The following BOD1L1 variants were observed in gnomAD, a reference collection of about 807,000 sequenced individuals.
BOD1L1 encodes the protein biorientation of chromosomes in cell division 1 like 1, also known as biorientation of chromosomes in cell division protein 1-like 1.
A neutral mutation model predicts 240.7 loss-of-function variants in BOD1L1; 86 were observed. That is an observed-to-expected ratio of 0.36 (90% CI 0.30 to 0.43). The LOEUF is 0.43. BOD1L1 is among the 20% of genes least tolerant of loss of function. The pLI is 1.00. For synonymous variants in BOD1L1, 1,268 were observed against 1,272.3 expected, an observed-to-expected ratio of 1.00 and a Z score of 0.07; for missense variants, 3,554 against 3,643.5, an observed-to-expected ratio of 0.98 and a Z score of 0.63.
chr4:13,595,127 A>T (rs574829470), intron 12 of BOD1L1, among the ~76,000 whole-genome samples: 1 of 152,266 alleles, frequency 6.6e-6, no homozygotes, highest in African/African-American at 2.4e-5. Context: ...AAATCTAGCC[A>T]TTTTTCATGA....
chr4:13,598,750 A>T (rs1371289307), intron 10 of BOD1L1, among the ~76,000 whole-genome samples, 196 bp downstream of exon 10: 4 of 152,246 alleles, frequency 2.6e-5, no homozygotes, highest in Non-Finnish European at 2.9e-5. Flanking sequence ...ACTTTTAAAC[A>T]CAAGTAGCTT....
chr4:13,604,765 TGTG>T lies in BOD1L1; in HGVS notation c.2132_2134del (p.Pro711del). On this transcript the variant is annotated inframe_deletion, in exon 10 of 26. Transcript: ENST00000040738. Reference sequence around the variant, plus strand: ...CTCTTTCTTAAGTAGGCTTTTCAAATGTGGTGTTTCAGAATCATCTTTCTTTAG... The same window carrying T: ...CTCTTTCTTAAGTAGGCTTTTCAAATGTGTTTCAGAATCATCTTTCTTTAG... 2 of 1,613,444 alleles carry T rather than the reference TGTG, an allele frequency of 1.2e-6. No homozygotes were observed. Among genetic ancestry groups the T allele is most frequent in the South Asian group, 2.2e-5 (2 of 90,858 alleles).
At chr4:13,623,196 C>G (rs1173182278) in intron 1 of BOD1L1, among the ~76,000 whole-genome samples, 1 of 151,582 alleles carries the variant, frequency 6.6e-6, no homozygotes, top group Admixed American at 6.6e-5. Flanking sequence ...TTTTTTTCTA[C>G]TAGGATGTAA....
chr4:13,582,145 T>G, intron 19 of BOD1L1, 92 bp downstream of exon 19: 1 of 1,074,594 alleles, frequency 9.3e-7, no homozygotes, highest in South Asian at 1.5e-5. Flanking sequence ...TCAAAGTACT[T>G]AAGAAAAACT....
At chr4:13,611,380 G>A (rs1373542895) in intron 5 of BOD1L1, among the ~76,000 whole-genome samples, 1 of 152,202 alleles carries the variant, frequency 6.6e-6, no homozygotes, top group Non-Finnish European at 1.5e-5. Context: ...GTTTTCTGGA[G>A]CAAAGAATGA....
At position 13,603,740 on chromosome 4, in the gene BOD1L1, T is replaced by C. The variant is rs1393016590; in HGVS notation, c.3160A>G (p.Lys1054Glu). The C allele has an allele frequency of 1.2e-6, 2 of 1,613,958 alleles. No individual in the cohort carries two copies. Among genetic ancestry groups the C allele is most frequent in the South Asian group, 1.1e-5 (1 of 91,072 alleles). Residue 1054 changes from lysine (K) to glutamate (E), a missense_variant, in exon 10 of 26, where the codon AAG becomes GAG. Coordinates refer to ENST00000040738, the MANE Select transcript of BOD1L1 (RefSeq NM_148894.3). ...ATGAGTGAACTATTACCTCTGGCCT[T>C]TTCATGACTACTGTCAACTTCTTTA... ...DGKEVDSSHE[K>E]ARGNSSLMEK...
At chr4:13,584,412 G>C (rs959172534) in intron 17 of BOD1L1, among the ~76,000 whole-genome samples, 4 of 150,212 alleles carry the variant, frequency 2.7e-5, no homozygotes, top group Admixed American at 1.3e-4. Flanking sequence ...GCATGTGTGC[G>C]TGTGTGGCGG....
chr4:13,620,100 GGTTATACA>G, intron 1 of BOD1L1, 33 bp from the exon 2 acceptor site: 1 of 1,564,758 alleles, frequency 6.4e-7, no homozygotes, highest in Non-Finnish European at 8.7e-7. Context: ...AAGTCTTCAA[GGTTATACA>G]GTATCAATAT....
intron 25 of BOD1L1, among the ~76,000 whole-genome samples, chr4:13,571,274 A>G (rs902445200): frequency 1.3e-5 from 2 of 152,248 alleles, no homozygotes; most frequent in African/African-American, 4.8e-5. Context: ...ATGTCCTGTC[A>G]ATGAATCAAA....
intron 13 of BOD1L1, among the ~76,000 whole-genome samples, chr4:13,591,556 G>T (rs1714222291): frequency 6.6e-6 from 1 of 152,192 alleles, no homozygotes; most frequent in Non-Finnish European, 1.5e-5. Context: ...GCAGTTACAG[G>T]TTAGTATCTT....
At position 13,601,791 on chromosome 4, in the gene BOD1L1, G is replaced by A. The variant is rs773704401; in HGVS notation, c.5109C>T (p.Ser1703=). The A allele has an allele frequency of 6.2e-7, 1 of 1,613,838 alleles. No individual in the cohort carries two copies. The highest frequency in any genetic ancestry group is 8.5e-7 in the Non-Finnish European group (1 of 1,179,872). The part of the protein sequence containing the change: ...AGTEIRAGSI[S]SEEVDGSQGN... Reference sequence around the variant, plus strand: ...CCTGGGAGCCATCCACCTCTTCACTGCTTATAGATCCTGCTCTTATCTCTG... The same window carrying A: ...CCTGGGAGCCATCCACCTCTTCACTACTTATAGATCCTGCTCTTATCTCTG... The change falls in exon 10 of 26, where the codon AGC becomes AGT. Residue 1703 remains serine (S), a synonymous_variant. Transcript: ENST00000040738.
At chr4:13,596,522 C>T (rs991052251) in intron 11 of BOD1L1, among the ~76,000 whole-genome samples, 2 of 151,738 alleles carry the variant, frequency 1.3e-5, no homozygotes, top group African/African-American at 2.4e-5. Context: ...TTGGATGGTG[C>T]CTTCAGATCA....
chr4:13,617,686 C>G (rs1474443339), intron 2 of BOD1L1, among the ~76,000 whole-genome samples: 2 of 152,164 alleles, frequency 1.3e-5, no homozygotes, highest in Admixed American at 6.5e-5. Flanking sequence ...ACTGAGTCAG[C>G]AGATCAGCTA....
chr4:13,582,335 C>A, intron 18 of BOD1L1, 25 bp from the exon 19 acceptor site: 1 of 1,592,490 alleles, frequency 6.3e-7, no homozygotes, highest in South Asian at 1.1e-5. Context: ...GAACTTTGTT[C>A]AATGCTAGTG....
intron 1 of BOD1L1, among the ~76,000 whole-genome samples, chr4:13,621,625 T>C (rs1455927649): frequency 1.3e-5 from 2 of 152,174 alleles, no homozygotes; most frequent in Non-Finnish European, 1.5e-5. Flanking sequence ...TCCTCCTCTA[T>C]CTCTCTTACA....
intron 7 of BOD1L1, 135 bp from the exon 8 acceptor site, chr4:13,608,803 G>C: frequency 1.5e-6 from 1 of 658,306 alleles, no homozygotes; most frequent in Non-Finnish European, 2.3e-6. Flanking sequence ...TGCTGGAATA[G>C]ATATAATATT....
rs913435537 is a variant in BOD1L1, at chr4:13,627,567, C to A, written c.21G>T (p.Pro7=). 3 of 1,139,266 alleles carry A rather than the reference C, an allele frequency of 2.6e-6. No homozygotes were observed. The highest frequency in any genetic ancestry group is 3.2e-6 in the Non-Finnish European group (3 of 928,414). The allele number at this position is 1,139,266 out of a possible 1,614,324, so 70.6% of individuals were successfully genotyped here. Residue 7 remains proline (P), a synonymous_variant, in exon 1 of 26, where the codon CCG becomes CCT. Transcript: ENST00000040738. MATNPQ[P]QPPPPAPPPP... ...GCGGCGGCGCCGGAGGAGGCGGCTG[C>A]GGCTGTGGGTTGGTGGCCATGGTGG...
rs574374116 is a variant in BOD1L1 at position 13,609,814 on chromosome 4, C to G, written c.1492-408G>C. 1.5e-4 allele frequency among the ~76,000 whole-genome samples: 23 copies of G among 152,164 alleles called. No homozygotes were observed. In the East Asian group the frequency reaches 4.3e-3, roughly 28 times the overall value. On this transcript the variant is annotated intron_variant, in intron 6 of 25. Coordinates refer to ENST00000040738, the MANE Select transcript of BOD1L1 (RefSeq NM_148894.3). ...ACTTTTCAACTGTTCTTATAGAAAA[C>G]AGTTGAAATAAAAATTCAAGTGATA...
chr4:13,598,569 T>C (rs1714805204), intron 10 of BOD1L1, among the ~76,000 whole-genome samples: 1 of 152,150 alleles, frequency 6.6e-6, no homozygotes, highest in Non-Finnish European at 1.5e-5. Flanking sequence ...AAAAAATGTA[T>C]TGCTTTCATT....
Sources: gnomAD v4.1 joint callset for allele counts (sites outside exome capture counted in the v4.1 genomes callset) on GRCh38, gnomAD v4.1.1 for gene constraint, MANE v1.5 for transcripts, NCBI Gene and HGNC (gene_info 2026-07-23, HGNC 2026-07-21) for gene names.